NCBP3: variants seen among roughly 807,000 people sequenced by gnomAD.
NCBP3 encodes nuclear cap-binding protein subunit 3.
In NCBP3, 20 loss-of-function variants were observed where a neutral mutation model predicts 75.7. That is an observed-to-expected ratio of 0.26 (90% CI 0.19 to 0.38). The LOEUF (loss-of-function observed/expected upper bound fraction) is 0.38. Among genes scored for constraint, NCBP3 ranks in the 10% least tolerant of loss-of-function variants. The pLI is 1.00. For synonymous variants in NCBP3, 293 were observed against 290.5 expected, an observed-to-expected ratio of 1.01 and a Z score of -0.09; for missense variants, 678 against 796.9, an observed-to-expected ratio of 0.85 and a Z score of 1.80.
At chr17:3,821,495 T>TTA (rs1004516460) in intron 8 of NCBP3, 143 bp from the exon 9 acceptor site, 27 of 636,580 alleles carry the variant, frequency 4.2e-5, no homozygotes, top group Non-Finnish European at 7.0e-5. Context: ...CCATCTCAGC[T>TTA]CACTGCAACC....
intron 4 of NCBP3, 37 bp from the exon 5 acceptor site, chr17:3,826,252 G>T: frequency 6.6e-7 from 1 of 1,511,400 alleles, no homozygotes; most frequent in Non-Finnish European, 8.9e-7. Context: ...TACACAGCAT[G>T]GAAATGGTAA....
At position 3,825,034 on chromosome 17, in the gene NCBP3, T is replaced by G; in HGVS notation, c.704A>C (p.Gln235Pro). The G allele has an allele frequency of 6.5e-7, 1 of 1,530,744 alleles. No homozygotes were observed. The highest frequency in any genetic ancestry group is 1.2e-5 in the South Asian group (1 of 80,994). The allele number at this position is 1,530,744 out of a possible 1,614,324, so 94.8% of individuals were successfully genotyped here. ...TCTTAACAAAGACTCCTCTTCTACC[T>G]GAGACAACGTATCCAACTTAAGAAA... is the stretch of plus-strand genomic sequence containing the variant. ...SSDVELDTLS[Q>P]VEEESLLRND... is the part of the protein sequence containing the mutation. The change falls in exon 7 of 13, where the codon CAG becomes CCG. Residue 235 changes from glutamine (Q) to proline (P), a missense_variant. Gln to Pro is a moderately conservative substitution (Grantham distance 76). Transcript: ENST00000389005.
chr17:3,808,431 G>A lies in NCBP3; in HGVS notation c.*4613C>T, dbSNP rs776766985. On this transcript the variant is annotated 3_prime_UTR_variant, in exon 13 of 13. Coordinates refer to ENST00000389005, the MANE Select transcript of NCBP3 (RefSeq NM_001114118.3). ...AGACTCTTCTGTGGCAGTACCATGG[G>A]ACACATAGAAGTAGCCTATACCCTG... 15 of 152,198 alleles carry A rather than the reference G, an allele frequency of 9.9e-5. No homozygotes were observed. Among genetic ancestry groups the A allele is most frequent in the Non-Finnish European group, 1.9e-4 (13 of 68,066 alleles). 9.4% of individuals were successfully genotyped at this position (152,198 alleles called of 1,614,324 possible). A position where few individuals can be genotyped will look rare whatever the true frequency, so the allele number is the denominator to read the frequency against.
In NCBP3 at chr17:3,818,116, G is replaced by A. The variant is rs2053582496; in HGVS notation, c.1310+147C>T. 1.5e-6 allele frequency: 1 copy of A among 673,236 alleles called. No individual in the cohort carries two copies. The highest frequency in any genetic ancestry group is 1.8e-5 in the African/African-American group (1 of 54,124). The allele number at this position is 673,236 out of a possible 1,614,324, so 41.7% of individuals were successfully genotyped here. On this transcript the variant is annotated intron_variant, in intron 10 of 12. Coordinates refer to ENST00000389005, the MANE Select transcript of NCBP3 (RefSeq NM_001114118.3). The surrounding 1 kb of genome is among the most constrained non-coding windows in gnomAD (Gnocchi z 4.7). The stretch of plus-strand genomic sequence containing the variant: ...TATAACAAGAATCACTGCTTGTATA[G>A]AGGAAATACTGGATGCGTTTATTAA...
In NCBP3 at chr17:3,818,721, T is replaced by A; in HGVS notation, c.1001-149A>T. On this transcript the variant is annotated intron_variant, in intron 9 of 12. Transcript: ENST00000389005. The surrounding 1 kb of genome is among the most constrained non-coding windows in gnomAD (Gnocchi z 4.7). ...TATCTATAATAGTGCCAAATGGACA[T>A]TACTCTGATACTGCAACAGGAGGAT... 2.4e-6 allele frequency: 2 copies of A among 836,756 alleles called. No homozygotes were observed. The allele number at this position is 836,756 out of a possible 1,614,324, so 51.8% of individuals were successfully genotyped here.
chr17:3,830,090 G>A (rs527262021), intron 3 of NCBP3, among the ~76,000 whole-genome samples: 2 of 152,244 alleles, frequency 1.3e-5, no homozygotes, highest in South Asian at 2.1e-4. Context: ...TAGGGGAAAG[G>A]CTTACTTCCC....
chr17:3,842,412 G>A (rs144048923), intron 2 of NCBP3, among the ~76,000 whole-genome samples: 13 of 152,216 alleles, frequency 8.5e-5, no homozygotes, highest in Non-Finnish European at 1.8e-4. Flanking sequence ...GCAACGGAGC[G>A]AGACTCCACC....
At chr17:3,845,898 C>G in intron 1 of NCBP3, 143 bp downstream of exon 1, 4 of 987,860 alleles carry the variant, frequency 4.0e-6, no homozygotes, top group Non-Finnish European at 5.7e-6. Flanking sequence ...GCCCGGCGTT[C>G]CCGTTCCCAG....
chr17:3,807,601 C>T lies in NCBP3; in HGVS notation c.*5443G>A, dbSNP rs973196128. 1.3e-5 allele frequency: 2 copies of T among 152,160 alleles called. No homozygotes were observed. The highest frequency in any genetic ancestry group is 2.4e-5 in the African/African-American group (1 of 41,434). 9.4% of individuals were successfully genotyped at this position (152,160 alleles called of 1,614,324 possible). A position where few individuals can be genotyped will look rare whatever the true frequency, so the allele number is the denominator to read the frequency against. On this transcript the variant is annotated 3_prime_UTR_variant, in exon 13 of 13. Transcript: ENST00000389005. ...GCCTGATGAAAGGATACAGAGATAA[C>T]ACCACAAAGAAACTTGCTCATTAGG...
intron 3 of NCBP3, among the ~76,000 whole-genome samples, chr17:3,830,796 C>A (rs1043104664): frequency 1.3e-5 from 2 of 151,858 alleles, no homozygotes; most frequent in Non-Finnish European, 2.9e-5. Context: ...TGTTGGTCAG[C>A]ATGGTCTCCA....
intron 4 of NCBP3, among the ~76,000 whole-genome samples, chr17:3,827,129 G>T (rs902743786): frequency 6.6e-6 from 1 of 152,034 alleles, no homozygotes; most frequent in Non-Finnish European, 1.5e-5. Context: ...GGAGGGAAAA[G>T]AAAGAAAAGG....
intron 12 of NCBP3, among the ~76,000 whole-genome samples, chr17:3,813,973 T>C (rs1018585401): frequency 6.6e-6 from 1 of 152,210 alleles, no homozygotes. Context: ...CCTAAAAGTT[T>C]TATTTATAAA....
chr17:3,837,739 A>G (rs2053999636), intron 3 of NCBP3, among the ~76,000 whole-genome samples: 1 of 151,442 alleles, frequency 6.6e-6, no homozygotes, highest in Admixed American at 6.6e-5. Flanking sequence ...GTCTCAAAAA[A>G]AAAAAAAAAA....
Position 3,811,943 on chromosome 17 carries a change from T to C in NCBP3, c.*1101A>G, listed in dbSNP as rs2143628388. The stretch of plus-strand genomic sequence containing the variant: ...TTATCTTTTCTGCCAATTTTGAAGA[T>C]GTCTTCAGGTGCCACAACGTGGGGA... On this transcript the variant is annotated 3_prime_UTR_variant, in exon 13 of 13. Transcript: ENST00000389005. The C allele has an allele frequency of 6.6e-6, 1 of 152,372 alleles. No homozygotes were observed. Among genetic ancestry groups the C allele is most frequent in the East Asian group, 1.9e-4 (1 of 5,192 alleles). 9.4% of individuals were successfully genotyped at this position (152,372 alleles called of 1,614,324 possible). A position where few individuals can be genotyped will look rare whatever the true frequency, so the allele number is the denominator to read the frequency against.
rs915637138 is a variant in NCBP3 at position 3,804,976 on chromosome 17, T to C, written c.*8068A>G. On this transcript the variant is annotated 3_prime_UTR_variant, in exon 13 of 13. Coordinates refer to ENST00000389005, the MANE Select transcript of NCBP3 (RefSeq NM_001114118.3). ...TTTTGGTGTGTAGACTTTTTTTATTTTTGTTTTTGAGATGGAGTCTTGCTC... is the reference window on the plus strand; with the variant it reads ...TTTTGGTGTGTAGACTTTTTTTATTCTTGTTTTTGAGATGGAGTCTTGCTC... 6.6e-6 allele frequency: 1 copy of C among 152,144 alleles called. No homozygotes were observed. The highest frequency in any genetic ancestry group is 2.4e-5 in the African/African-American group (1 of 41,414). The allele number at this position is 152,144 out of a possible 1,614,324, so 9.4% of individuals were successfully genotyped here.
intron 3 of NCBP3, among the ~76,000 whole-genome samples, chr17:3,834,000 C>G (rs1278384635): frequency 6.6e-6 from 1 of 152,146 alleles, no homozygotes; most frequent in Non-Finnish European, 1.5e-5. Context: ...GCTTTTAATT[C>G]CAAGAACCGA....
At chr17:3,814,678 A>G (rs1163704615) in intron 11 of NCBP3, among the ~76,000 whole-genome samples, 195 bp from the exon 12 acceptor site, 1 of 152,114 alleles carries the variant, frequency 6.6e-6, no homozygotes, top group African/African-American at 2.4e-5. Flanking sequence ...GGGCTGTCAG[A>G]GGAAAAATCC....
At chr17:3,843,676 A>G (rs2054106892) in intron 1 of NCBP3, among the ~76,000 whole-genome samples, 1 of 152,210 alleles carries the variant, frequency 6.6e-6, no homozygotes, top group Non-Finnish European at 1.5e-5. Context: ...CCTCCTGAGT[A>G]GCTGGGATTA....
intron 3 of NCBP3, among the ~76,000 whole-genome samples, chr17:3,830,204 C>A (rs879224252): frequency 1.3e-5 from 2 of 152,118 alleles, no homozygotes; most frequent in Admixed American, 1.3e-4. Flanking sequence ...CTCAGTATCG[C>A]CCCTCAACAA....
Sources: gnomAD v4.1 joint callset for allele counts (sites outside exome capture counted in the v4.1 genomes callset) on GRCh38, gnomAD v4.1.1 for gene constraint, Gnocchi (gnomAD v3.1) non-coding constraint, MANE v1.5 for transcripts, NCBI Gene and HGNC (gene_info 2026-07-23, HGNC 2026-07-21) for gene names.